KHDRBS2: variants seen among roughly 807,000 people sequenced by gnomAD.
KHDRBS2 encodes the protein KH RNA binding domain containing, signal transduction associated 2.
A neutral mutation model predicts 44.3 loss-of-function variants in KHDRBS2; 26 were observed. That is an observed-to-expected ratio of 0.59 (90% CI 0.43 to 0.81). The LOEUF is 0.81. KHDRBS2 is among the 40% of genes least tolerant of loss of function. KHDRBS2 has a pLI of 0.00. For missense variants in KHDRBS2, 476 were observed against 433.1 expected, an observed-to-expected ratio of 1.10 and a Z score of -0.88; for synonymous variants, 194 against 151.1, an observed-to-expected ratio of 1.28 and a Z score of -2.08.
intron 7 of KHDRBS2, among the ~76,000 whole-genome samples, chr6:61,706,345 T>C (rs1445813892): frequency 6.6e-6 from 1 of 151,808 alleles, no homozygotes; most frequent in Non-Finnish European, 1.5e-5. Context: ...CTGACTATAT[T>C]TAAGAAATGA....
chr6:61,622,817 T>A, the KHDRBS2 span, among the ~76,000 whole-genome samples: 8 of 152,202 alleles, frequency 5.3e-5, no homozygotes, highest in African/African-American at 9.6e-5. Flanking sequence ...GATAGGGGCA[T>A]CTGCATCACC....
At chr6:61,655,625 G>A in the KHDRBS2 span, among the ~76,000 whole-genome samples, 1 of 151,978 alleles carries the variant, frequency 6.6e-6, no homozygotes, top group Non-Finnish European at 1.5e-5. Context: ...AAAAGGGAAC[G>A]TGTCCATGCA....
chr6:61,737,349 A>G (rs1327212162), intron 6 of KHDRBS2, among the ~76,000 whole-genome samples: 2 of 152,110 alleles, frequency 1.3e-5, no homozygotes, highest in East Asian at 1.9e-4. Context: ...GTAAATGGGC[A>G]TATTTTTCCA....
chr6:62,238,048 G>A (rs1175363445), intron 1 of KHDRBS2, among the ~76,000 whole-genome samples: 1 of 95,274 alleles, frequency 1.0e-5, no homozygotes, highest in Non-Finnish European at 2.3e-5. Flanking sequence ...GCAAGACTCT[G>A]TCTCAAAAAA....
At chr6:61,901,834 T>C (rs950348588) in intron 4 of KHDRBS2, among the ~76,000 whole-genome samples, 42 of 152,210 alleles carry the variant, frequency 2.8e-4, no homozygotes, top group African/African-American at 9.2e-4. Flanking sequence ...TCAGAGTAGA[T>C]ACTGAGCATG....
chr6:62,106,078 T>A (rs1279295734), intron 2 of KHDRBS2, among the ~76,000 whole-genome samples: 6 of 152,314 alleles, frequency 3.9e-5, no homozygotes, highest in Admixed American at 3.9e-4. Context: ...TTCCATGCAG[T>A]TGAGCAGTTT....
At chr6:61,612,018 G>A in the KHDRBS2 span, among the ~76,000 whole-genome samples, 1 of 152,148 alleles carries the variant, frequency 6.6e-6, no homozygotes, top group Non-Finnish European at 1.5e-5. Flanking sequence ...GTATGTGCTT[G>A]TATACATGTG....
intron 2 of KHDRBS2, among the ~76,000 whole-genome samples, chr6:62,140,782 A>C (rs1349023663): frequency 2.0e-5 from 3 of 152,194 alleles, no homozygotes; most frequent in Non-Finnish European, 4.4e-5. Flanking sequence ...AAAGGCAAAG[A>C]GAAAAACCAC....
chr6:61,584,894 A>C, the KHDRBS2 span, among the ~76,000 whole-genome samples: 78 of 152,050 alleles, frequency 5.1e-4, no homozygotes, highest in Non-Finnish European at 8.8e-4. Flanking sequence ...TTGAAAGCAT[A>C]AAATTTGCTT....
chr6:61,571,282 C>G, the KHDRBS2 span, among the ~76,000 whole-genome samples: 122,520 of 151,930 alleles, frequency 0.81, 49,880 homozygotes, highest in African/African-American at 0.91. Context: ...TCTTATATCA[C>G]ACAAAACAGA....
chr6:61,776,128 AC>A (rs938303937), intron 6 of KHDRBS2, among the ~76,000 whole-genome samples: 36 of 152,216 alleles, frequency 2.4e-4, no homozygotes, highest in Non-Finnish European at 4.0e-4. Context: ...TACACCTTAT[AC>A]AAAAATTAAT....
chr6:62,095,806 G>A (rs1287076811), intron 2 of KHDRBS2, among the ~76,000 whole-genome samples: 1 of 151,876 alleles, frequency 6.6e-6, no homozygotes, highest in African/African-American at 2.4e-5. Context: ...TGATCTTAGA[G>A]AGAAAGTTTT....
chr6:61,643,094 G>T, the KHDRBS2 span, among the ~76,000 whole-genome samples: 2 of 152,086 alleles, frequency 1.3e-5, no homozygotes, highest in Non-Finnish European at 2.9e-5. Flanking sequence ...TGATATGTAT[G>T]TTCTGATATG....
chr6:61,615,814 C>G, the KHDRBS2 span, among the ~76,000 whole-genome samples: 1 of 152,086 alleles, frequency 6.6e-6, no homozygotes, highest in South Asian at 2.1e-4. Flanking sequence ...CACTTCTAGG[C>G]CAAGCATTTT....
intron 1 of KHDRBS2, among the ~76,000 whole-genome samples, chr6:62,217,256 T>C (rs1830165519): frequency 6.6e-6 from 1 of 151,598 alleles, no homozygotes; most frequent in Non-Finnish European, 1.5e-5. Context: ...TAACAATCAA[T>C]CAATCCTATA....
chr6:62,213,700 C>G (rs1432459576), intron 1 of KHDRBS2, among the ~76,000 whole-genome samples: 1 of 151,322 alleles, frequency 6.6e-6, no homozygotes, highest in Non-Finnish European at 1.5e-5. Context: ...CGGTGCAACC[C>G]CGTCTCTACT....
chr6:61,955,051 T>C (rs1381381573), intron 4 of KHDRBS2, among the ~76,000 whole-genome samples: 3 of 144,832 alleles, frequency 2.1e-5, no homozygotes, highest in African/African-American at 2.5e-5. Context: ...TATGTATACA[T>C]ATATGTATGT....
At chr6:62,153,343 GA>G (rs924056764) in intron 2 of KHDRBS2, among the ~76,000 whole-genome samples, 10 of 150,164 alleles carry the variant, frequency 6.7e-5, no homozygotes, top group East Asian at 1.9e-4. Context: ...TAGTAATAAA[GA>G]AAAAAAAATG....
intron 6 of KHDRBS2, among the ~76,000 whole-genome samples, chr6:61,866,786 C>A (rs1797865264): frequency 6.6e-6 from 1 of 152,184 alleles, no homozygotes; most frequent in African/African-American, 2.4e-5. Context: ...CAAAGTTCCA[C>A]AAATATTTAG....
Sources: allele counts gnomAD v4.1 joint callset (sites outside exome capture counted in the v4.1 genomes callset), GRCh38; gene constraint gnomAD v4.1.1; transcripts MANE v1.5; gene names NCBI Gene and HGNC (gene_info 2026-07-23, HGNC 2026-07-21).